Variants in PUDP observed in about 807,000 individuals in gnomAD.
The protein encoded by PUDP is pseudouridine-5'-phosphatase.
In PUDP, 8 loss-of-function variants were observed where a neutral mutation model predicts 9.4. The observed-to-expected ratio is 0.85, with a 90% CI of 0.50 to 1.53. The LOEUF (loss-of-function observed/expected upper bound fraction) is 1.53, where lower values mean the gene tolerates loss of function less well. PUDP is among the 40% of genes most tolerant of loss of function. The pLI, the probability that PUDP is intolerant of heterozygous loss-of-function variation, is 0.00. For synonymous variants in PUDP, 99 were observed against 80.7 expected, an observed-to-expected ratio of 1.23 and a Z score of -1.22; for missense variants, 188 against 189.7, an observed-to-expected ratio of 0.99 and a Z score of 0.05.
At chrX:6,725,516 T>C (rs759881344), upstream of PUDP, among the ~76,000 whole-genome samples, 10 of 111,987 alleles carry the variant, frequency 8.9e-5, no homozygotes, top group African/African-American at 3.2e-4. Context: ...GAGTTATTTC[T>C]CTTAAGACCA....
chrX:6,715,234 C>T (rs1412635401), intron 1 of PUDP, among the ~76,000 whole-genome samples: 1 of 110,468 alleles, frequency 9.1e-6, no homozygotes, highest in Non-Finnish European at 1.9e-5. Context: ...TTTTTCCATC[C>T]CAATAAATAT....
intron 1 of PUDP, among the ~76,000 whole-genome samples, chrX:7,021,876 A>C (rs1340615915): frequency 8.9e-6 from 1 of 112,315 alleles, no homozygotes; most frequent in Non-Finnish European, 1.9e-5. Flanking sequence ...TTTCAGAACA[A>C]TATAGTATGG....
chrX:6,839,901 CT>C (rs201875790), intron 3 of PUDP, among the ~76,000 whole-genome samples: 74 of 109,011 alleles, frequency 6.8e-4, no homozygotes, highest in African/African-American at 2.3e-3. Flanking sequence ...ATGCCCCCCC[CT>C]CCCCCATACA....
intron 2 of PUDP, among the ~76,000 whole-genome samples, chrX:7,104,154 T>A (rs1461081684): frequency 4.5e-5 from 5 of 111,928 alleles, no homozygotes; most frequent in Non-Finnish European, 9.4e-5. Context: ...CACCCAAATG[T>A]CCCTCAACAA....
chrX:6,739,081 T>TA (rs1332534999), intron 3 of PUDP, among the ~76,000 whole-genome samples: 1 of 111,632 alleles, frequency 9.0e-6, no homozygotes, highest in East Asian at 2.8e-4. Flanking sequence ...TGAGAACAAC[T>TA]ATTTGCATGT....
At chrX:6,902,551 C>T (rs1927706069) in intron 3 of PUDP, among the ~76,000 whole-genome samples, 1 of 112,299 alleles carries the variant, frequency 8.9e-6, no homozygotes, top group South Asian at 3.7e-4. Flanking sequence ...GGTAGAGGCT[C>T]CTGCCTTAAG....
At chrX:6,723,432 C>CAAAAAAAAAAAAAAAA (rs549361509), upstream of PUDP, among the ~76,000 whole-genome samples, 3 of 17,329 alleles carry the variant, frequency 1.7e-4, no homozygotes, top group Non-Finnish European at 4.1e-4. Context: ...GAGGCTCTGT[C>CAAAAAAAAAAAAAAAA]AAAAAAAAAA....
At position 6,708,161 on chromosome X, in the gene PUDP, A is replaced by G. The variant is rs148157414; in HGVS notation, n.129-1695T>C. Among the ~76,000 whole-genome samples, 1,017 of 112,008 alleles carry G rather than the reference A, an allele frequency of 9.1e-3. 13 individuals are homozygous for G. The highest frequency in any genetic ancestry group is 0.032 in the African/African-American group (975 of 30,867). ...AGGAGAGATGCCCTAAAGAAAGAAT[A>G]GCCTGTCTGTTTCCACATTCCTGAA... is the stretch of plus-strand genomic sequence containing the variant. On this transcript the variant is annotated intron_variant and non_coding_transcript_variant, in intron 1 of 2. Transcript: ENST00000438499.
chrX:6,750,880 C>T (rs1226308626), intron 3 of PUDP, among the ~76,000 whole-genome samples: 5 of 111,580 alleles, frequency 4.5e-5, no homozygotes, highest in African/African-American at 1.3e-4. Context: ...TGGCTCACAC[C>T]TCCAATCCCA....
At chrX:6,970,494 T>A (rs756080423) in intron 3 of PUDP, among the ~76,000 whole-genome samples, 41 of 111,215 alleles carry the variant, frequency 3.7e-4, no homozygotes, top group Non-Finnish European at 5.8e-4. Context: ...CTATCTGGGG[T>A]AGGACCTGGC....
chrX:7,120,932 CTTTAA>C (rs1245380204), intron 1 of PUDP, among the ~76,000 whole-genome samples: 2 of 111,829 alleles, frequency 1.8e-5, no homozygotes, highest in Admixed American at 9.5e-5. Flanking sequence ...TCTAGGAAAT[CTTTAA>C]TTTCAGAAGC....
intron 1 of PUDP, among the ~76,000 whole-genome samples, chrX:7,036,514 C>G (rs190633085): frequency 3.2e-4 from 36 of 111,030 alleles, no homozygotes; most frequent in African/African-American, 1.1e-3. Flanking sequence ...GATATTTGAT[C>G]TCTTCCCTAC....
chrX:6,851,522 AG>A (rs1926826520), intron 3 of PUDP, among the ~76,000 whole-genome samples: 1 of 111,536 alleles, frequency 9.0e-6, no homozygotes, highest in Non-Finnish European at 1.9e-5. Flanking sequence ...GAAGGGAGCG[AG>A]GAATTAGATG....
At chrX:6,802,514 C>T (rs967879773) in intron 3 of PUDP, among the ~76,000 whole-genome samples, 1 of 111,436 alleles carries the variant, frequency 9.0e-6, no homozygotes, top group East Asian at 2.8e-4. Context: ...TAACATCTAT[C>T]GTAGAGTCAA....
chrX:7,069,457 T>C (rs1930665602), intron 3 of PUDP, among the ~76,000 whole-genome samples: 1 of 110,419 alleles, frequency 9.1e-6, no homozygotes, highest in Non-Finnish European at 1.9e-5. Context: ...ACCTCAGGGT[T>C]GTTTAGAAAC....
chrX:6,794,540 A>G (rs919881759), intron 3 of PUDP, among the ~76,000 whole-genome samples: 23 of 110,309 alleles, frequency 2.1e-4, no homozygotes, highest in Non-Finnish European at 4.2e-4. Context: ...GGTTACATTT[A>G]ATTTACTTAA....
intron 3 of PUDP, among the ~76,000 whole-genome samples, chrX:6,888,350 AG>A (rs1927461021): frequency 9.1e-6 from 1 of 110,462 alleles, no homozygotes; most frequent in African/African-American, 3.3e-5. Flanking sequence ...TTTTATCAAG[AG>A]GAAATTTGGG....
chrX:6,788,171 G>A (rs767974887), intron 3 of PUDP, among the ~76,000 whole-genome samples: 9 of 111,798 alleles, frequency 8.1e-5, no homozygotes, highest in Non-Finnish European at 1.3e-4. Context: ...GAGCACCCAC[G>A]CGACCAGTCT....
At chrX:7,035,022 C>A (rs1204611790) in intron 1 of PUDP, among the ~76,000 whole-genome samples, 8 of 111,755 alleles carry the variant, frequency 7.2e-5, no homozygotes, top group African/African-American at 2.3e-4. Flanking sequence ...TGTGTATGGG[C>A]AAAGTATTTT....
Sources: gnomAD v4.1 joint callset for allele counts (sites outside exome capture counted in the v4.1 genomes callset) on GRCh38, gnomAD v4.1.1 for gene constraint, MANE v1.5 for transcripts, NCBI Gene and HGNC (gene_info 2026-07-23, HGNC 2026-07-21) for gene names.